FAM200B: variants seen among roughly 807,000 people sequenced by gnomAD.
The protein encoded by FAM200B is protein FAM200B.
FAM200B carries 32 observed loss-of-function variants against 33.1 expected under a neutral mutation model. That is an observed-to-expected ratio of 0.97 (90% CI 0.73 to 1.30). The LOEUF (loss-of-function observed/expected upper bound fraction) is 1.30. Ranked by LOEUF, FAM200B falls within the 50% of genes most tolerant of loss-of-function variation. The pLI, the probability that FAM200B is intolerant of heterozygous loss-of-function variation, is 0.00. For missense variants in FAM200B, 741 were observed against 754.0 expected (o/e 0.98, Z 0.20); for synonymous variants, 240 against 264.8 (o/e 0.91, Z 0.91).
chr4:15,675,338 A>G, the FAM200B span, among the ~76,000 whole-genome samples: 2 of 152,240 alleles, frequency 1.3e-5, no homozygotes, highest in East Asian at 3.8e-4. Flanking sequence ...GTGAATAAGT[A>G]CCACAAATAA....
At chr4:15,675,638 A>T in the FAM200B span, among the ~76,000 whole-genome samples, 1 of 140,474 alleles carries the variant, frequency 7.1e-6, no homozygotes, top group Non-Finnish European at 1.5e-5. Context: ...TTGCAGTGCA[A>T]TGGCGCCATC....
the FAM200B span, chr4:15,640,735 T>C: frequency 9.1e-6 from 9 of 985,916 alleles, no homozygotes; most frequent in Non-Finnish European, 1.4e-5. Flanking sequence ...TAAAGCAAAA[T>C]AGTATTTTAA....
intron 1 of FAM200B, 73 bp from the exon 2 acceptor site, chr4:15,686,163 G>A (rs1488898592): frequency 6.6e-6 from 1 of 152,134 alleles, no homozygotes; most frequent in Non-Finnish European, 1.5e-5. Context: ...ATATCATAAA[G>A]GCCCCCATAG....
upstream of FAM200B, among the ~76,000 whole-genome samples, chr4:15,680,132 G>T (rs1718163837): frequency 6.6e-6 from 1 of 151,652 alleles, no homozygotes; most frequent in South Asian, 2.1e-4. Context: ...AAAAAAACAT[G>T]AACAATGCAG....
At chr4:15,661,146 T>C in the FAM200B span, among the ~76,000 whole-genome samples, 1 of 152,210 alleles carries the variant, frequency 6.6e-6, no homozygotes, top group African/African-American at 2.4e-5. Flanking sequence ...TTAACTGTGA[T>C]TAGTTCCATT....
At chr4:15,661,076 CA>C in the FAM200B span, among the ~76,000 whole-genome samples, 527 of 131,496 alleles carry the variant, frequency 4.0e-3, 2 homozygotes, top group Non-Finnish European at 4.3e-3. Context: ...GGCTCCATTT[CA>C]AAAAAAAAAA....
the FAM200B span, among the ~76,000 whole-genome samples, chr4:15,665,010 TGCA>T: frequency 6.6e-6 from 1 of 152,150 alleles, no homozygotes; most frequent in African/African-American, 2.4e-5. Flanking sequence ...CCACCCTTAA[TGCA>T]AAGGGCTTCT....
the FAM200B span, among the ~76,000 whole-genome samples, chr4:15,656,858 A>G: frequency 0.064 from 9,770 of 152,030 alleles, 575 homozygotes; most frequent in East Asian, 0.22. Context: ...GTGCTGCAGG[A>G]AATTAAGTCT....
At chr4:15,686,145 G>C (rs1718824648) in intron 1 of FAM200B, 91 bp from the exon 2 acceptor site, 1 of 152,196 alleles carries the variant, frequency 6.6e-6, no homozygotes, top group African/African-American at 2.4e-5. Flanking sequence ...CACCATCTAT[G>C]ATCTTGGATA....
upstream of FAM200B, among the ~76,000 whole-genome samples, chr4:15,679,269 G>GTCAGGATC (rs1339437753): frequency 6.6e-6 from 1 of 151,906 alleles, no homozygotes; most frequent in East Asian, 1.9e-4. Context: ...CACCATGTTG[G>GTCAGGATC]TCAGGATCTC....
chr4:15,654,951 G>T, the FAM200B span, among the ~76,000 whole-genome samples: 1 of 151,838 alleles, frequency 6.6e-6, no homozygotes, highest in Admixed American at 6.6e-5. Context: ...CTCCTCAGCC[G>T]CCAGGCCCTC....
chr4:15,654,055 T>C, the FAM200B span, among the ~76,000 whole-genome samples: 1 of 152,202 alleles, frequency 6.6e-6, no homozygotes. Context: ...AGATTTGAAA[T>C]TCAACGTCAC....
At chr4:15,667,339 CAT>C in the FAM200B span, among the ~76,000 whole-genome samples, 6 of 152,106 alleles carry the variant, frequency 3.9e-5, no homozygotes, top group Admixed American at 1.3e-4. Flanking sequence ...AGTTTTAACT[CAT>C]ATTAAACAAT....
At chr4:15,646,029 T>TAATAATA in the FAM200B span, among the ~76,000 whole-genome samples, 1 of 152,160 alleles carries the variant, frequency 6.6e-6, no homozygotes, top group East Asian at 1.9e-4. Context: ...CTGCAATACA[T>TAATAATA]AAGTAAATAA....
chr4:15,666,023 T>TA, the FAM200B span, among the ~76,000 whole-genome samples: 40,742 of 148,176 alleles, frequency 0.27, 5,604 homozygotes, highest in East Asian at 0.45. Context: ...AACCTTTTTT[T>TA]AAAAAAAAAA....
the FAM200B span, chr4:15,641,702 C>A: frequency 4.6e-6 from 2 of 431,804 alleles, no homozygotes; most frequent in South Asian, 3.3e-5. Context: ...CAACCCTAAT[C>A]CCCATGTTGT....
At chr4:15,647,284 C>CAAA in the FAM200B span, among the ~76,000 whole-genome samples, 51 of 134,152 alleles carry the variant, frequency 3.8e-4, no homozygotes, top group Non-Finnish European at 6.1e-4. Context: ...ACAACAACAA[C>CAAA]AAAAAACAAT....
At chr4:15,676,587 C>T in the FAM200B span, among the ~76,000 whole-genome samples, 2 of 151,974 alleles carry the variant, frequency 1.3e-5, no homozygotes, top group East Asian at 3.9e-4. Context: ...AATCTTAACA[C>T]TCAATATTAG....
chr4:15,665,884 A>G, the FAM200B span, among the ~76,000 whole-genome samples: 2 of 152,114 alleles, frequency 1.3e-5, no homozygotes, highest in African/African-American at 4.8e-5. Context: ...ACACCCTCCA[A>G]AGGAATCTGG....
Sources: allele counts gnomAD v4.1 joint callset (sites outside exome capture counted in the v4.1 genomes callset), GRCh38; gene constraint gnomAD v4.1.1; transcripts MANE v1.5; gene names NCBI Gene and HGNC (gene_info 2026-07-23, HGNC 2026-07-21).